Variants in C12orf42 observed in about 807,000 individuals in gnomAD.
C12orf42 encodes chromosome 12 open reading frame 42, also known as uncharacterized protein C12orf42.
Under a neutral mutation model 21.6 loss-of-function variants are expected in C12orf42, and 25 were observed. The observed-to-expected ratio is 1.16, with a 90% CI of 0.84 to 1.62. The LOEUF (loss-of-function observed/expected upper bound fraction) is 1.62. Among genes scored for constraint, C12orf42 ranks in the 40% most tolerant of loss-of-function variants. The pLI, the probability that C12orf42 is intolerant of heterozygous loss-of-function variation, is 0.00. For synonymous variants in C12orf42, 174 were observed against 175.0 expected (o/e 0.99, Z 0.05); for missense variants, 483 against 459.3 (o/e 1.05, Z -0.47).
At chr12:103,449,200 G>A (rs1254957655) in intron 2 of C12orf42, among the ~76,000 whole-genome samples, 2 of 152,008 alleles carry the variant, frequency 1.3e-5, no homozygotes, top group African/African-American at 2.4e-5. Context: ...AACCTGGATG[G>A]AATCAGAGAC....
the C12orf42 span, among the ~76,000 whole-genome samples, chr12:103,170,706 C>T: frequency 3.9e-5 from 6 of 152,220 alleles, no homozygotes; most frequent in East Asian, 3.9e-4. Context: ...CTTCTCCAAC[C>T]CCTTTTCATC....
intron 10 of C12orf42, among the ~76,000 whole-genome samples, chr12:103,247,025 T>G (rs2034042740): frequency 6.6e-6 from 1 of 152,096 alleles, no homozygotes. Context: ...CATTTTATTT[T>G]TATAAAGCTA....
At position 103,352,857 on chromosome 12, in the gene C12orf42, A is replaced by G. The variant is rs150358332; in HGVS notation, c.259+16030T>C. 2.6e-5 allele frequency among the ~76,000 whole-genome samples: 4 copies of G among 152,274 alleles called. No individual in the cohort carries two copies. In the East Asian group the frequency reaches 7.7e-4, roughly 29 times the overall value. ...GACACTTGAGGAAAAGTGTCATAACAATACCTGGCACATAGTCAAGTTCAA... is the reference window on the plus strand; with the variant it reads ...GACACTTGAGGAAAAGTGTCATAACGATACCTGGCACATAGTCAAGTTCAA... On this transcript the variant is annotated intron_variant, in intron 4 of 5. Coordinates refer to ENST00000548883, the MANE Select transcript of C12orf42 (RefSeq NM_198521.5).
At chr12:103,455,323 C>T (rs1470027345) in intron 2 of C12orf42, among the ~76,000 whole-genome samples, 1 of 152,086 alleles carries the variant, frequency 6.6e-6, no homozygotes, top group South Asian at 2.1e-4. Flanking sequence ...TTTGTAAAGC[C>T]ATGGCTCTTG....
chr12:103,308,475 G>T (rs1331016326), intron 4 of C12orf42, among the ~76,000 whole-genome samples: 1 of 152,200 alleles, frequency 6.6e-6, no homozygotes, highest in Non-Finnish European at 1.5e-5. Context: ...ACTTTAGAGA[G>T]TCAATGTAGT....
At chr12:103,213,910 T>C in the C12orf42 span, among the ~76,000 whole-genome samples, 5 of 152,222 alleles carry the variant, frequency 3.3e-5, no homozygotes, top group Middle Eastern at 3.2e-3. Context: ...TCATTTTCCA[T>C]GGATTGATAC....
At chr12:103,527,282 T>C in the C12orf42 span, among the ~76,000 whole-genome samples, 1 of 152,180 alleles carries the variant, frequency 6.6e-6, no homozygotes, top group Admixed American at 6.5e-5. Flanking sequence ...ATGAGGGGGT[T>C]ACTCTGAGGG....
chr12:103,319,430 C>G (rs2039863574), intron 4 of C12orf42, among the ~76,000 whole-genome samples: 1 of 146,310 alleles, frequency 6.8e-6, no homozygotes, highest in South Asian at 2.2e-4. Context: ...GAAGGGATCA[C>G]CAGAGATCTA....
At chr12:103,364,951 A>G (rs952394226) in intron 4 of C12orf42, among the ~76,000 whole-genome samples, 1 of 152,100 alleles carries the variant, frequency 6.6e-6, no homozygotes, top group African/African-American at 2.4e-5. Context: ...CAAGATACAG[A>G]AAGAGGGAAT....
At position 103,413,203 on chromosome 12, in the gene C12orf42, A is replaced by C. The variant is rs61066941; in HGVS notation, c.79-11528T>G. Among the ~76,000 whole-genome samples the C allele has an allele frequency of 0.01, 1,525 of 152,318 alleles. 136 individuals carry two copies. The East Asian group carries it at 0.2, about 20-fold the overall frequency. ...CAGTTATCCAAGCACCATTTATTGA[A>C]TAAGGAGTCCTTTCCCCATTGCTTC... On this transcript the variant is annotated intron_variant, in intron 2 of 5. Transcript: ENST00000548883.
At chr12:103,360,283 T>G (rs114778177) in intron 4 of C12orf42, among the ~76,000 whole-genome samples, 2 of 151,504 alleles carry the variant, frequency 1.3e-5, no homozygotes, top group Non-Finnish European at 2.9e-5. Flanking sequence ...AATCACCACC[T>G]ACTAGCAGGG....
At chr12:103,538,515 T>C in the C12orf42 span, among the ~76,000 whole-genome samples, 2 of 152,124 alleles carry the variant, frequency 1.3e-5, no homozygotes, top group East Asian at 1.9e-4. Flanking sequence ...TGGCACAAAA[T>C]TGAAAAGGCA....
chr12:103,207,263 T>C, the C12orf42 span, among the ~76,000 whole-genome samples: 65 of 152,286 alleles, frequency 4.3e-4, no homozygotes, highest in African/African-American at 1.5e-3. Flanking sequence ...CCACTGAAAA[T>C]TTAGGGTTCT....
the C12orf42 span, among the ~76,000 whole-genome samples, chr12:103,170,714 A>G: frequency 5.9e-5 from 9 of 152,154 alleles, no homozygotes; most frequent in African/African-American, 2.2e-4. Context: ...ACCCCTTTTC[A>G]TCACTCCATT....
chr12:103,177,205 G>A, the C12orf42 span, among the ~76,000 whole-genome samples: 2 of 152,040 alleles, frequency 1.3e-5, no homozygotes, highest in Non-Finnish European at 2.9e-5. Flanking sequence ...CAAATAAGAC[G>A]GCCTGATCCC....
the C12orf42 span, among the ~76,000 whole-genome samples, chr12:103,146,604 G>GAAAGAAAGAAAGA: frequency 6.7e-6 from 1 of 149,648 alleles, no homozygotes; most frequent in African/African-American, 2.5e-5. Context: ...AAGAAAGAAA[G>GAAAGAAAGAAAGA]AAAGAAAAAG....
At chr12:103,164,090 A>T in the C12orf42 span, among the ~76,000 whole-genome samples, 2 of 152,222 alleles carry the variant, frequency 1.3e-5, no homozygotes, top group Non-Finnish European at 2.9e-5. Context: ...TAAGATCTGT[A>T]AAATGGAAAA....
At chr12:103,149,252 A>G in the C12orf42 span, among the ~76,000 whole-genome samples, 3 of 152,158 alleles carry the variant, frequency 2.0e-5, no homozygotes, top group Non-Finnish European at 4.4e-5. Context: ...TAAATTTGGG[A>G]CCATAAAATG....
the C12orf42 span, among the ~76,000 whole-genome samples, chr12:103,079,651 A>T: frequency 2.6e-3 from 401 of 152,326 alleles, 1 homozygote; most frequent in African/African-American, 9.4e-3. Flanking sequence ...GGCTTTAAAC[A>T]ATCACATTTA....
Sources: gnomAD v4.1 joint callset for allele counts (sites outside exome capture counted in the v4.1 genomes callset) on GRCh38, gnomAD v4.1.1 for gene constraint, MANE v1.5 for transcripts, NCBI Gene and HGNC (gene_info 2026-07-23, HGNC 2026-07-21) for gene names.